The following ASPA variants were observed in gnomAD, a reference collection of about 807,000 sequenced individuals.
ASPA encodes the protein aspartoacylase, also known as ACY-2.
Under a neutral mutation model 29.6 loss-of-function variants are expected in ASPA, and 25 were observed. That is an observed-to-expected ratio of 0.85 (90% CI 0.62 to 1.18). The LOEUF is 1.18. ASPA is among the 50% of genes most tolerant of loss of function. ASPA has a pLI of 0.00. For missense variants in ASPA, 333 were observed against 385.7 expected (o/e 0.86, Z 1.14); for synonymous variants, 131 against 130.3 (o/e 1.01, Z -0.04).
At chr17:3,498,105 C>T (rs569895936) in intron 5 of ASPA, among the ~76,000 whole-genome samples, 16 of 152,256 alleles carry the variant, frequency 1.1e-4, no homozygotes, top group African/African-American at 3.4e-4. Context: ...CACCAATCCC[C>T]GTCAGAATAG....
At chr17:3,486,230 G>A (rs971827834) in intron 3 of ASPA, among the ~76,000 whole-genome samples, 5 of 152,164 alleles carry the variant, frequency 3.3e-5, no homozygotes, top group South Asian at 2.1e-4. Flanking sequence ...CACCGCACCC[G>A]GCTGTGAACC....
intron 4 of ASPA, among the ~76,000 whole-genome samples, chr17:3,491,331 G>C (rs1285022708): frequency 6.6e-6 from 1 of 151,932 alleles, no homozygotes. Context: ...TTTCTGCCTT[G>C]AATAAACAAC....
Position 3,499,154 on chromosome 17 carries a change from G to A in ASPA, c.*66G>A. ...TTCTGCTAGTCTGTAAGCTCCTTAA[G>A]AGTAGGGTTGTGCCTTATTCAACTG... On this transcript the variant is annotated 3_prime_UTR_variant, in exon 6 of 6. Transcript: ENST00000263080. 6.5e-7 allele frequency: 1 copy of A among 1,540,538 alleles called. No homozygotes were observed. The highest frequency in any genetic ancestry group is 8.8e-7 in the Non-Finnish European group (1 of 1,131,360).
intron 4 of ASPA, among the ~76,000 whole-genome samples, chr17:3,493,258 A>G (rs1158818713): frequency 6.6e-6 from 1 of 152,158 alleles, no homozygotes; most frequent in African/African-American, 2.4e-5. Context: ...CCAAGTGTCT[A>G]ATGTACTTAG....
At chr17:3,491,244 G>A (rs1319020502) in intron 4 of ASPA, among the ~76,000 whole-genome samples, 1 of 152,140 alleles carries the variant, frequency 6.6e-6, no homozygotes, top group Non-Finnish European at 1.5e-5. Flanking sequence ...AATGTTTAAG[G>A]TTAACAACAT....
At chr17:3,479,917 C>T (rs533144198) in intron 1 of ASPA, among the ~76,000 whole-genome samples, 1 of 151,998 alleles carries the variant, frequency 6.6e-6, no homozygotes. Context: ...AAAAATGTAT[C>T]TTAACCATTG....
At chr17:3,498,006 G>A (rs2073936665) in intron 5 of ASPA, among the ~76,000 whole-genome samples, 1 of 152,100 alleles carries the variant, frequency 6.6e-6, no homozygotes, top group African/African-American at 2.4e-5. Context: ...GGACCCTTCA[G>A]ATAACTCAGT....
chr17:3,478,755 C>G (rs539705230), intron 1 of ASPA, among the ~76,000 whole-genome samples: 1 of 152,138 alleles, frequency 6.6e-6, no homozygotes, highest in Non-Finnish European at 1.5e-5. Context: ...ATTAACTTCT[C>G]CCATCCTGCC....
At position 3,490,643 on chromosome 17, in the gene ASPA, C is replaced by T. The variant is rs2073809193; in HGVS notation, c.634+1301C>T. Among the ~76,000 whole-genome samples the T allele has an allele frequency of 1.3e-5, 2 of 152,154 alleles. No individual in the cohort carries two copies. The highest frequency in any genetic ancestry group is 6.6e-5 in the Admixed American group (1 of 15,260). On this transcript the variant is annotated intron_variant, in intron 4 of 5. Transcript: ENST00000263080. The surrounding 1 kb of genome is among the most constrained non-coding windows in gnomAD (Gnocchi z 4.6). ...GCTTTTTACCATCTTTGTCTGAGGG[C>T]AGGTTCTATACTGTCTAATGGAACT... is the stretch of plus-strand genomic sequence containing the variant.
chr17:3,484,155 C>G (rs2073680812), intron 3 of ASPA, among the ~76,000 whole-genome samples: 1 of 152,140 alleles, frequency 6.6e-6, no homozygotes, highest in Non-Finnish European at 1.5e-5. Flanking sequence ...CACAATTCTT[C>G]TCATTCTCAA....
intron 3 of ASPA, among the ~76,000 whole-genome samples, chr17:3,484,224 A>G (rs1288048694): frequency 6.6e-6 from 1 of 152,124 alleles, no homozygotes; most frequent in Non-Finnish European, 1.5e-5. Flanking sequence ...TATAGCATTA[A>G]TTACTCCAGA....
intron 1 of ASPA, among the ~76,000 whole-genome samples, chr17:3,477,642 C>T (rs929663751): frequency 8.6e-5 from 13 of 151,888 alleles, no homozygotes; most frequent in African/African-American, 2.7e-4. Context: ...TTAGTAGAGA[C>T]GGGGTTTCTC....
chr17:3,495,300 T>C (rs1358124829), intron 5 of ASPA, among the ~76,000 whole-genome samples: 10 of 152,172 alleles, frequency 6.6e-5, no homozygotes, highest in Non-Finnish European at 1.3e-4. Flanking sequence ...TAGAGAGCTT[T>C]TAAAAAACAT....
At chr17:3,483,435 G>T (rs1597432221) in intron 2 of ASPA, 64 bp from the exon 3 acceptor site, 1 of 1,406,804 alleles carries the variant, frequency 7.1e-7, no homozygotes, top group East Asian at 2.3e-5. Context: ...TATTGACTCT[G>T]TTGAAGCAAA....
chr17:3,493,560 C>CAAAAAAA (rs746229421), intron 4 of ASPA, among the ~76,000 whole-genome samples: 6 of 56,350 alleles, frequency 1.1e-4, no homozygotes, highest in Admixed American at 8.2e-4. Flanking sequence ...GGTTCCATCT[C>CAAAAAAA]AAAAAAAAAA....
At chr17:3,478,048 G>C (rs549728633) in intron 1 of ASPA, among the ~76,000 whole-genome samples, 1 of 152,192 alleles carries the variant, frequency 6.6e-6, no homozygotes, top group South Asian at 2.1e-4. Flanking sequence ...AGCCGGGCAT[G>C]GTGGCGGGCA....
At chr17:3,491,092 A>T (rs1237141775) in intron 4 of ASPA, among the ~76,000 whole-genome samples, 1 of 152,212 alleles carries the variant, frequency 6.6e-6, no homozygotes, top group East Asian at 1.9e-4. Context: ...TGTCCTACTC[A>T]GAACTGTAGT....
chr17:3,482,929 A>C (rs543728695), intron 2 of ASPA, among the ~76,000 whole-genome samples: 1 of 134,066 alleles, frequency 7.5e-6, no homozygotes. Flanking sequence ...TCCTAATGCT[A>C]TCCCTCCCCC....
Position 3,483,538 on chromosome 17 carries a change from G to A in ASPA, c.472G>A (p.Glu158Lys). 1 of 1,614,072 alleles carries A rather than the reference G, an allele frequency of 6.2e-7. No homozygotes were observed. Among genetic ancestry groups the A allele is most frequent in the Non-Finnish European group, 8.5e-7 (1 of 1,180,000 alleles). The change falls in exon 3 of 6, where the codon GAG (glutamate) becomes AAG (lysine). Residue 158 changes from glutamate (E) to lysine (K), a missense_variant. Physicochemically the swap from Glu to Lys is moderately conservative, Grantham distance 56. Coordinates refer to ENST00000263080, the MANE Select transcript of ASPA (RefSeq NM_000049.4). ...ACTACCCTGCTACGTTTATCTGATT[G>A]AGCATCCTTCCCTCAAATATGCGAC... ...APLPCYVYLI[E>K]HPSLKYATTR... is the part of the protein sequence containing the mutation.
Sources: gnomAD v4.1 joint callset for allele counts (sites outside exome capture counted in the v4.1 genomes callset) on GRCh38, gnomAD v4.1.1 for gene constraint, Gnocchi (gnomAD v3.1) non-coding constraint, MANE v1.5 for transcripts, NCBI Gene and HGNC (gene_info 2026-07-23, HGNC 2026-07-21) for gene names.